The following NPAS3 variants were observed in gnomAD, a reference collection of about 807,000 sequenced individuals.
NPAS3 encodes neuronal PAS domain protein 3, also known as neuronal PAS domain-containing protein 3.
NPAS3 carries 14 observed loss-of-function variants against 73.1 expected under a neutral mutation model. That is an observed-to-expected ratio of 0.19 (90% CI 0.13 to 0.30). The LOEUF (loss-of-function observed/expected upper bound fraction) is 0.30. Among genes scored for constraint, NPAS3 ranks in the 10% least tolerant of loss-of-function variants. NPAS3 has a pLI of 1.00. For missense variants in NPAS3, 1,096 were observed against 1,250.0 expected, an observed-to-expected ratio of 0.88 and a Z score of 1.86; for synonymous variants, 620 against 541.5, an observed-to-expected ratio of 1.14 and a Z score of -2.01.
intron 1 of NPAS3, among the ~76,000 whole-genome samples, chr14:32,994,040 C>A (rs1282591635): frequency 6.6e-6 from 1 of 151,968 alleles, no homozygotes; most frequent in Non-Finnish European, 1.5e-5. Flanking sequence ...GGAAAGGGAA[C>A]CAATAAATAT....
intron 1 of NPAS3, among the ~76,000 whole-genome samples, chr14:32,996,908 G>A (rs576605094): frequency 4.6e-5 from 7 of 152,216 alleles, no homozygotes; most frequent in South Asian, 4.1e-4. Context: ...TCCAGACGCC[G>A]GAATGGTAGA....
intron 2 of NPAS3, among the ~76,000 whole-genome samples, chr14:33,118,160 A>G (rs916633480): frequency 6.6e-6 from 1 of 151,982 alleles, no homozygotes; most frequent in African/African-American, 2.4e-5. Context: ...CAAATAGTAT[A>G]TATCACATTG....
At chr14:33,544,001 A>ATC (rs1438004510) in intron 4 of NPAS3, among the ~76,000 whole-genome samples, 10 of 66,452 alleles carry the variant, frequency 1.5e-4, no homozygotes, top group Admixed American at 3.3e-4. Context: ...ATATATATAT[A>ATC]TCTATATCAG....
At chr14:33,230,028 G>A (rs1205587803) in intron 3 of NPAS3, among the ~76,000 whole-genome samples, 3 of 152,184 alleles carry the variant, frequency 2.0e-5, no homozygotes, top group Non-Finnish European at 1.5e-5. Flanking sequence ...TTTCAGACCT[G>A]TGATGCCTGC....
chr14:33,475,670 G>A (rs996255334), intron 4 of NPAS3, among the ~76,000 whole-genome samples: 6 of 151,892 alleles, frequency 4.0e-5, no homozygotes, highest in Non-Finnish European at 8.8e-5. Context: ...ATGTTTTGTT[G>A]AGGAAGTCTT....
intron 1 of NPAS3, among the ~76,000 whole-genome samples, chr14:32,983,579 G>T (rs1290920568): frequency 6.6e-6 from 1 of 151,858 alleles, no homozygotes; most frequent in African/African-American, 2.4e-5. Context: ...AAAAGTTTTT[G>T]CCAAACAGTA....
intron 1 of NPAS3, among the ~76,000 whole-genome samples, chr14:32,991,887 C>A (rs896216144): frequency 6.6e-6 from 1 of 152,194 alleles, no homozygotes; most frequent in South Asian, 2.1e-4. Flanking sequence ...GAGGGCAGAT[C>A]CGTCTCTCTC....
At chr14:33,049,034 T>G (rs577058731) in intron 1 of NPAS3, among the ~76,000 whole-genome samples, 2 of 152,318 alleles carry the variant, frequency 1.3e-5, no homozygotes, top group Admixed American at 1.3e-4. Flanking sequence ...CCTTCTGTGA[T>G]TAGGAGCTTT....
At chr14:32,957,139 T>G (rs1053741671) in intron 1 of NPAS3, among the ~76,000 whole-genome samples, 1 of 152,152 alleles carries the variant, frequency 6.6e-6, no homozygotes, top group Non-Finnish European at 1.5e-5. Context: ...ATCTTTTTTC[T>G]GAAAAACATA....
At chr14:33,734,198 AT>A (rs895839534) in intron 6 of NPAS3, among the ~76,000 whole-genome samples, 19 of 150,360 alleles carry the variant, frequency 1.3e-4, no homozygotes, top group East Asian at 9.7e-4. Context: ...TTCTTGGACA[AT>A]TTTTTTTTTA....
chr14:33,568,390 T>C (rs1292793679), intron 5 of NPAS3, among the ~76,000 whole-genome samples: 1 of 152,224 alleles, frequency 6.6e-6, no homozygotes, highest in Non-Finnish European at 1.5e-5. Flanking sequence ...CAGTATTTTC[T>C]ATATGGTATT....
intron 1 of NPAS3, among the ~76,000 whole-genome samples, chr14:32,996,561 C>A (rs2038581024): frequency 6.6e-6 from 1 of 152,144 alleles, no homozygotes. Flanking sequence ...ATGTGGTGCC[C>A]TGTATCCCAG....
chr14:33,673,076 A>G (rs2059657107), intron 5 of NPAS3, among the ~76,000 whole-genome samples: 1 of 152,218 alleles, frequency 6.6e-6, no homozygotes. Context: ...TTTTGGCCAA[A>G]GAGTTCAATG....
intron 1 of NPAS3, among the ~76,000 whole-genome samples, chr14:32,963,585 C>T (rs1295023531): frequency 6.6e-6 from 1 of 152,146 alleles, no homozygotes; most frequent in African/African-American, 2.4e-5. Flanking sequence ...CCACAGCTTC[C>T]ACCCAGTTTG....
chr14:33,779,360 A>C (rs1325562096), intron 9 of NPAS3, among the ~76,000 whole-genome samples: 1 of 152,154 alleles, frequency 6.6e-6, no homozygotes, highest in Non-Finnish European at 1.5e-5. Flanking sequence ...TGACTAGAGC[A>C]CTGATCTGGT....
intron 2 of NPAS3, among the ~76,000 whole-genome samples, chr14:33,213,220 C>G (rs1216919839): frequency 8.0e-6 from 1 of 124,768 alleles, no homozygotes; most frequent in Non-Finnish European, 1.6e-5. Flanking sequence ...AGAGCCCCAT[C>G]ATAGTCACTT....
chr14:33,261,756 G>A (rs187327870), intron 3 of NPAS3, among the ~76,000 whole-genome samples: 3 of 152,152 alleles, frequency 2.0e-5, no homozygotes, highest in Admixed American at 6.5e-5. Flanking sequence ...TAAGAAGTTA[G>A]GTAGTTTTAT....
intron 1 of NPAS3, among the ~76,000 whole-genome samples, chr14:33,022,435 C>T (rs564179395): frequency 1.3e-5 from 2 of 152,154 alleles, no homozygotes; most frequent in African/African-American, 4.8e-5. Context: ...GAGGCTGAGG[C>T]GGGCGGATCA....
rs139015839 is a variant in NPAS3, at chr14:33,036,096, C to T, written c.51-19809C>T. On this transcript the variant is annotated intron_variant, in intron 1 of 11. Coordinates refer to ENST00000356141, the Ensembl canonical transcript of NPAS3. ...AAAGATCCTTGTGTTATGCCACAGC[C>T]ATATTCTTCATCTTATTCCAAGTCT... Among the ~76,000 whole-genome samples the T allele has an allele frequency of 1.4e-3, 213 of 152,250 alleles. 2 individuals carry two copies. Among genetic ancestry groups the T allele is most frequent in the African/African-American group, 5.0e-3 (207 of 41,544 alleles).
Sources: allele counts gnomAD v4.1 joint callset (sites outside exome capture counted in the v4.1 genomes callset), GRCh38; gene constraint gnomAD v4.1.1; transcripts MANE v1.5; gene names NCBI Gene and HGNC (gene_info 2026-07-23, HGNC 2026-07-21).